Variants in NDUFS1 observed in about 807,000 individuals in gnomAD.
The protein encoded by NDUFS1 is NADH-ubiquinone oxidoreductase 75 kDa subunit, mitochondrial.
In NDUFS1, 61 loss-of-function variants were observed where a neutral mutation model predicts 84.4. The ratio of observed to expected loss-of-function variants is 0.72; its 90% confidence interval spans 0.59 to 0.89. NDUFS1 has a LOEUF of 0.89. NDUFS1 is among the 40% of genes least tolerant of loss of function. NDUFS1 has a pLI of 0.00. For synonymous variants in NDUFS1, 275 were observed against 290.0 expected (o/e 0.95, Z 0.53); for missense variants, 891 against 890.0 (o/e 1.00, Z -0.01).
chr2:206,158,090 A>G (rs186071732), intron 1 of NDUFS1, among the ~76,000 whole-genome samples: 3 of 104,536 alleles, frequency 2.9e-5, no homozygotes, highest in Non-Finnish European at 5.5e-5. Context: ...CAGCCTCCCA[A>G]GTAGCTGGAC....
chr2:206,132,903 A>G, intron 14 of NDUFS1, 42 bp downstream of exon 14: 1 of 1,549,726 alleles, frequency 6.5e-7, no homozygotes, highest in Non-Finnish European at 8.9e-7. Context: ...TATACACAAC[A>G]TTACTTGAAT....
At chr2:206,135,109 C>T (rs1691659632) in intron 13 of NDUFS1, among the ~76,000 whole-genome samples, 1 of 152,082 alleles carries the variant, frequency 6.6e-6, no homozygotes, top group African/African-American at 2.4e-5. Flanking sequence ...ACCTCCACCT[C>T]CCAGGTTCAA....
At chr2:206,128,944 A>C (rs1176471865) in intron 15 of NDUFS1, among the ~76,000 whole-genome samples, 2 of 152,164 alleles carry the variant, frequency 1.3e-5, no homozygotes, top group Non-Finnish European at 2.9e-5. Context: ...GAAATTTGGT[A>C]AAGTAGACTG....
intron 14 of NDUFS1, among the ~76,000 whole-genome samples, chr2:206,130,573 T>G (rs1691474533): frequency 6.6e-6 from 1 of 152,224 alleles, no homozygotes; most frequent in Admixed American, 6.5e-5. Context: ...CAGGCTGGTC[T>G]TGAACTCTTG....
rs1448262624 is a variant in NDUFS1, at chr2:206,126,522, T to C, written c.2092+17A>G. 1.2e-6 allele frequency: 2 copies of C among 1,611,944 alleles called. No homozygotes were observed. Among genetic ancestry groups the C allele is most frequent in the Admixed American group, 3.3e-5 (2 of 60,000 alleles). ...TTACCTTTCGTATTTGGCAGAGTCATGTTGACAATTACATACCTGTCATGT... is the reference window on the plus strand; with the variant it reads ...TTACCTTTCGTATTTGGCAGAGTCACGTTGACAATTACATACCTGTCATGT... On this transcript the variant is annotated intron_variant, in intron 18 of 18. Coordinates refer to ENST00000233190, the MANE Select transcript of NDUFS1 (RefSeq NM_005006.7).
intron 11 of NDUFS1, among the ~76,000 whole-genome samples, chr2:206,142,358 G>A (rs554516309): frequency 1.1e-4 from 16 of 152,170 alleles, no homozygotes; most frequent in African/African-American, 2.6e-4. Flanking sequence ...AATTACAGGC[G>A]CACACCACCA....
chr2:206,148,149 T>C (rs538011804), intron 5 of NDUFS1, among the ~76,000 whole-genome samples: 1 of 152,202 alleles, frequency 6.6e-6, no homozygotes, highest in East Asian at 1.9e-4. Flanking sequence ...GGTCTCGAAC[T>C]CCTGACCTCA....
intron 1 of NDUFS1, 155 bp downstream of exon 1, chr2:206,159,185 GC>G: frequency 1.3e-6 from 2 of 1,531,332 alleles, no homozygotes; most frequent in Non-Finnish European, 1.7e-6. Flanking sequence ...CCCCCCATCT[GC>G]CGGCTCTCAG....
intron 2 of NDUFS1, among the ~76,000 whole-genome samples, chr2:206,153,151 A>C (rs1692440802): frequency 6.6e-6 from 1 of 152,126 alleles, no homozygotes; most frequent in Non-Finnish European, 1.5e-5. Context: ...TGTTTAAAGT[A>C]AAATTATATT....
chr2:206,116,507 A>G lies in NDUFS1; in HGVS notation c.*7678T>C. On this transcript the variant is annotated 3_prime_UTR_variant, in exon 19 of 19. Transcript: ENST00000233190. ...GCACCACTCGCAGCGCCATGTTCCC[A>G]GGGGTGCGGGGATGGCAGCGCTACG... 1 of 1,191,620 alleles carries G rather than the reference A, an allele frequency of 8.4e-7. No homozygotes were observed. Among genetic ancestry groups the G allele is most frequent in the Non-Finnish European group, 1.2e-6 (1 of 837,798 alleles). 73.8% of individuals were successfully genotyped at this position (1,191,620 alleles called of 1,614,324 possible).
At chr2:206,142,095 A>G in intron 11 of NDUFS1, 26 bp from the exon 12 acceptor site, 1 of 1,555,108 alleles carries the variant, frequency 6.4e-7, no homozygotes, top group South Asian at 1.1e-5. Context: ...ATAAAATGCA[A>G]ATTTACTTTA....
At chr2:206,126,958 G>A in intron 16 of NDUFS1, 114 bp from the exon 17 acceptor site, 1 of 1,249,082 alleles carries the variant, frequency 8.0e-7, no homozygotes, top group Non-Finnish European at 1.1e-6. Context: ...AAACCTATTG[G>A]TGTCCATTAG....
chr2:206,154,624 TTTTG>T (rs971261065), intron 1 of NDUFS1, among the ~76,000 whole-genome samples: 10 of 152,270 alleles, frequency 6.6e-5, no homozygotes, highest in East Asian at 3.9e-4. Flanking sequence ...TTTTATTTGT[TTTTG>T]TTTGTTTGTT....
intron 18 of NDUFS1, 135 bp downstream of exon 18, chr2:206,126,404 C>A (rs1691292796): frequency 2.3e-6 from 2 of 852,178 alleles, no homozygotes; most frequent in Admixed American, 4.1e-5. Context: ...TACGTTAGTT[C>A]CAATGTTTGA....
chr2:206,136,108 T>C (rs1257704703), intron 13 of NDUFS1, among the ~76,000 whole-genome samples: 7 of 151,610 alleles, frequency 4.6e-5, no homozygotes, highest in Admixed American at 3.3e-4. Flanking sequence ...TGGAGTCCAA[T>C]GGCGCAATCT....
chr2:206,116,771 C>T lies in NDUFS1; in HGVS notation c.*7414G>A, dbSNP rs949180315. 16 of 211,952 alleles carry T rather than the reference C, an allele frequency of 7.5e-5. No individual in the cohort carries two copies. The highest frequency in any genetic ancestry group is 1.4e-4 in the Non-Finnish European group (14 of 103,628). The allele number at this position is 211,952 out of a possible 1,614,324, so 13.1% of individuals were successfully genotyped here. ...GCGCGGTGGCTTACGCCTGTAATCC[C>T]AGCACTTTGGGAGGCCGAGGTGGGC... On this transcript the variant is annotated 3_prime_UTR_variant, in exon 19 of 19. Coordinates refer to ENST00000233190, the MANE Select transcript of NDUFS1 (RefSeq NM_005006.7).
In NDUFS1 at chr2:206,120,851, C is replaced by T. The variant is rs1488033748; in HGVS notation, c.*3334G>A. ...ACAGTTGTCCATGCTGGACTCAACT[C>T]ATTTGCTCAAGCAATCCTTGTGCCT... is the stretch of plus-strand genomic sequence containing the variant. On this transcript the variant is annotated 3_prime_UTR_variant, in exon 19 of 19. Coordinates refer to ENST00000233190, the MANE Select transcript of NDUFS1 (RefSeq NM_005006.7). The T allele has an allele frequency of 6.6e-6, 1 of 152,274 alleles. No individual in the cohort carries two copies. The highest frequency in any genetic ancestry group is 1.9e-4 in the East Asian group (1 of 5,196). The allele number at this position is 152,274 out of a possible 1,614,324, so 9.4% of individuals were successfully genotyped here.
chr2:206,138,933 A>G (rs1691827965), intron 12 of NDUFS1, among the ~76,000 whole-genome samples: 1 of 152,082 alleles, frequency 6.6e-6, no homozygotes, highest in African/African-American at 2.4e-5. Flanking sequence ...CCTGACCAAC[A>G]TGGTGAAACC....
At chr2:206,137,646 G>C (rs1046223308) in intron 13 of NDUFS1, among the ~76,000 whole-genome samples, 4 of 152,098 alleles carry the variant, frequency 2.6e-5, no homozygotes, top group African/African-American at 7.2e-5. Context: ...TTCAGGAATA[G>C]ACATTCTCAA....
Sources: gnomAD v4.1 joint callset for allele counts (sites outside exome capture counted in the v4.1 genomes callset) on GRCh38, gnomAD v4.1.1 for gene constraint, MANE v1.5 for transcripts, NCBI Gene and HGNC (gene_info 2026-07-23, HGNC 2026-07-21) for gene names.